Variants in GMDS observed in about 807,000 individuals in gnomAD.
GMDS encodes GDP-mannose 4,6-dehydratase, also known as GDP-mannose 4,6 dehydratase.
Under a neutral mutation model 49.9 loss-of-function variants are expected in GMDS, and 20 were observed. The observed-to-expected ratio is 0.40, with a 90% CI of 0.28 to 0.58. The LOEUF (loss-of-function observed/expected upper bound fraction) is 0.58, where lower values mean the gene tolerates loss of function less well. Ranked by LOEUF, GMDS falls within the 20% of genes least tolerant of loss-of-function variation. The pLI is 0.42. For synonymous variants in GMDS, 177 were observed against 178.6 expected, an observed-to-expected ratio of 0.99 and a Z score of 0.07; for missense variants, 362 against 481.4, an observed-to-expected ratio of 0.75 and a Z score of 2.32.
chr6:1,638,869 T>G (rs1365266861), intron 9 of GMDS, among the ~76,000 whole-genome samples: 1 of 151,952 alleles, frequency 6.6e-6, no homozygotes, highest in East Asian at 1.9e-4. Flanking sequence ...ATGAGTAGAG[T>G]GAGTCTGGAG....
intron 9 of GMDS, among the ~76,000 whole-genome samples, chr6:1,705,707 G>A (rs992897348): frequency 9.2e-5 from 14 of 152,194 alleles, no homozygotes; most frequent in Admixed American, 7.2e-4. Flanking sequence ...CATGGCAACA[G>A]AAGAGAGAAC....
At chr6:1,896,718 T>C (rs1760214195) in intron 7 of GMDS, among the ~76,000 whole-genome samples, 1 of 152,148 alleles carries the variant, frequency 6.6e-6, no homozygotes, top group South Asian at 2.1e-4. Context: ...AAGGAATACA[T>C]GGGCAGGATT....
chr6:1,769,160 G>C (rs940821649), intron 7 of GMDS, among the ~76,000 whole-genome samples: 34 of 152,206 alleles, frequency 2.2e-4, no homozygotes, highest in African/African-American at 8.0e-4. Flanking sequence ...GATTCTGTGT[G>C]ATCGACTTTC....
intron 7 of GMDS, among the ~76,000 whole-genome samples, chr6:1,897,031 G>C (rs758743961): frequency 9.9e-5 from 15 of 152,212 alleles, no homozygotes; most frequent in Non-Finnish European, 1.8e-4. Context: ...ACAAAGGTGG[G>C]AGATTCGGGA....
intron 6 of GMDS, among the ~76,000 whole-genome samples, chr6:1,935,195 T>C (rs1233104093): frequency 2.0e-5 from 3 of 152,186 alleles, no homozygotes; most frequent in South Asian, 4.1e-4. Context: ...AGCTGTGATA[T>C]CTTACACAAA....
chr6:1,984,919 G>C (rs1043547995), intron 4 of GMDS, among the ~76,000 whole-genome samples: 2 of 152,220 alleles, frequency 1.3e-5, no homozygotes, highest in African/African-American at 4.8e-5. Context: ...AAAGCAGAAA[G>C]TAAGGCTGAA....
At chr6:2,039,518 C>T (rs1321538300) in intron 4 of GMDS, among the ~76,000 whole-genome samples, 2 of 152,002 alleles carry the variant, frequency 1.3e-5, no homozygotes, top group Admixed American at 1.3e-4. Flanking sequence ...ACACACTATA[C>T]AGTTAAACAA....
At chr6:1,711,579 T>C (rs1224687892) in intron 9 of GMDS, among the ~76,000 whole-genome samples, 1 of 152,216 alleles carries the variant, frequency 6.6e-6, no homozygotes, top group Non-Finnish European at 1.5e-5. Context: ...TTTTGCCAGT[T>C]TGCACCAAAT....
rs749354530 is a variant in GMDS, at chr6:1,766,585, G to A, written c.772-23999C>T. Among the ~76,000 whole-genome samples the A allele has an allele frequency of 3.9e-5, 6 of 152,028 alleles. No individual in the cohort carries two copies. The highest frequency in any genetic ancestry group is 1.2e-4 in the African/African-American group (5 of 41,388). On this transcript the variant is annotated intron_variant, in intron 7 of 10. Coordinates refer to ENST00000380815, the MANE Select transcript of GMDS (RefSeq NM_001500.4). This position sits in a 1 kb window ranked among gnomAD's most constrained non-coding sequence, Gnocchi z 4.5. ...GGCTCGGGAGGAGGGTCTAAGGTGGGCCTCGCTACTCCAGTGCCTCCGGAG... is the reference window on the plus strand; with the variant it reads ...GGCTCGGGAGGAGGGTCTAAGGTGGACCTCGCTACTCCAGTGCCTCCGGAG...
chr6:2,168,501 AAATC>A (rs1167317189), intron 1 of GMDS, among the ~76,000 whole-genome samples: 1 of 152,242 alleles, frequency 6.6e-6, no homozygotes, highest in Non-Finnish European at 1.5e-5. Flanking sequence ...ACATCACCAC[AAATC>A]AATATTAAAT....
intron 4 of GMDS, among the ~76,000 whole-genome samples, 158 bp downstream of exon 4, chr6:2,115,613 G>A (rs17134692): frequency 6.0e-4 from 91 of 152,270 alleles, no homozygotes; most frequent in African/African-American, 2.0e-3. Context: ...AAAAATCTAT[G>A]AGTACTTCAA....
At chr6:1,957,790 A>AT (rs1015022310) in intron 6 of GMDS, among the ~76,000 whole-genome samples, 14 of 152,126 alleles carry the variant, frequency 9.2e-5, no homozygotes, top group African/African-American at 2.4e-4. Flanking sequence ...CTTTTAGAAC[A>AT]TTTTTTATTA....
intron 9 of GMDS, among the ~76,000 whole-genome samples, chr6:1,697,346 T>C (rs1000053980): frequency 6.6e-6 from 1 of 152,068 alleles, no homozygotes; most frequent in Non-Finnish European, 1.5e-5. Context: ...GGATCAATAG[T>C]GAAGGTGGCC....
intron 9 of GMDS, among the ~76,000 whole-genome samples, chr6:1,638,891 C>CT (rs1265738055): frequency 2.0e-5 from 3 of 152,172 alleles, no homozygotes; most frequent in Admixed American, 1.3e-4. Context: ...TACATAAAGA[C>CT]TTTATCTACA....
At chr6:1,633,133 G>A (rs998232768) in intron 9 of GMDS, among the ~76,000 whole-genome samples, 2 of 152,190 alleles carry the variant, frequency 1.3e-5, no homozygotes, top group African/African-American at 4.8e-5. Flanking sequence ...TCACTAAAAT[G>A]TAGGAAAAAC....
At chr6:1,714,061 A>T (rs1766080639) in intron 9 of GMDS, among the ~76,000 whole-genome samples, 1 of 152,258 alleles carries the variant, frequency 6.6e-6, no homozygotes. Flanking sequence ...TCTGTCGCCC[A>T]GGCTGGAGTG....
chr6:1,989,932 T>C (rs542866033), intron 4 of GMDS, among the ~76,000 whole-genome samples: 7 of 152,368 alleles, frequency 4.6e-5, no homozygotes, highest in Non-Finnish European at 8.8e-5. Context: ...TCTTCATATG[T>C]AGAAGATGGA....
At chr6:1,881,507 G>A (rs562388491) in intron 7 of GMDS, among the ~76,000 whole-genome samples, 19 of 152,200 alleles carry the variant, frequency 1.2e-4, no homozygotes, top group Non-Finnish European at 2.8e-4. Context: ...CCATAAATCT[G>A]TCATGCAGCC....
At chr6:1,932,364 G>A (rs984439730) in intron 6 of GMDS, among the ~76,000 whole-genome samples, 5 of 152,010 alleles carry the variant, frequency 3.3e-5, no homozygotes, top group Admixed American at 2.6e-4. Context: ...CTGAGATTCA[G>A]GGAAGCTATA....
Sources: gnomAD v4.1 joint callset for allele counts (sites outside exome capture counted in the v4.1 genomes callset) on GRCh38, gnomAD v4.1.1 for gene constraint, Gnocchi (gnomAD v3.1) non-coding constraint, MANE v1.5 for transcripts, NCBI Gene and HGNC (gene_info 2026-07-23, HGNC 2026-07-21) for gene names.